The following SCARA5 variants were observed in gnomAD, a reference collection of about 807,000 sequenced individuals.
The protein encoded by SCARA5 is scavenger receptor class A, member 5 (putative).
Under a neutral mutation model 46.3 loss-of-function variants are expected in SCARA5, and 45 were observed. The observed-to-expected ratio is 0.97, with a 90% confidence interval of 0.76 to 1.24. The LOEUF (loss-of-function observed/expected upper bound fraction) is 1.24. Ranked by LOEUF, SCARA5 falls within the 50% of genes most tolerant of loss-of-function variation. The pLI is 0.00. For missense variants in SCARA5, 680 were observed against 689.0 expected (o/e 0.99, Z 0.15); for synonymous variants, 333 against 306.5 (o/e 1.09, Z -0.90).
At chr8:27,954,607 C>G (rs1808179773) in intron 3 of SCARA5, among the ~76,000 whole-genome samples, 1 of 152,230 alleles carries the variant, frequency 6.6e-6, no homozygotes, top group Admixed American at 6.5e-5. Flanking sequence ...AGACTGCACA[C>G]TTAGGTTCTT....
intron 3 of SCARA5, among the ~76,000 whole-genome samples, chr8:27,959,547 T>C (rs564920690): frequency 1.3e-5 from 2 of 152,226 alleles, no homozygotes; most frequent in African/African-American, 4.8e-5. Flanking sequence ...AAACCAATCA[T>C]TGCAATACAG....
chr8:27,894,324 T>G (rs1471158375), intron 7 of SCARA5, among the ~76,000 whole-genome samples: 4 of 152,216 alleles, frequency 2.6e-5, no homozygotes, highest in African/African-American at 9.7e-5. Context: ...GAGGCGACTC[T>G]CAGGCTGAAT....
At chr8:27,975,930 G>A (rs1257680146) in intron 2 of SCARA5, among the ~76,000 whole-genome samples, 1 of 152,154 alleles carries the variant, frequency 6.6e-6, no homozygotes, top group Non-Finnish European at 1.5e-5. Context: ...TTTTACGATG[G>A]TCTGGGACAG....
chr8:27,968,221 AT>A (rs1180180736), intron 2 of SCARA5, among the ~76,000 whole-genome samples: 1 of 152,190 alleles, frequency 6.6e-6, no homozygotes, highest in Admixed American at 6.5e-5. Context: ...TATAAGGAAC[AT>A]TTTCTCACTC....
At chr8:27,946,572 G>A (rs1290979747) in intron 3 of SCARA5, among the ~76,000 whole-genome samples, 1 of 152,154 alleles carries the variant, frequency 6.6e-6, no homozygotes, top group Non-Finnish European at 1.5e-5. Flanking sequence ...TTTAAGCCAT[G>A]CAGGCTGCGG....
In SCARA5 at chr8:27,966,478, C is replaced by T. The variant is rs1808370447; in HGVS notation, c.177G>A (p.Lys59=). The T allele has an allele frequency of 6.2e-7, 1 of 1,613,924 alleles. No homozygotes were observed. ...CTQLGSLSAL[K]HAVLGLYLLV... ...GCAGGTAGAGCCCCAGGACAGCATG[C>T]TTCAGGGCCGACAGGGACCCCAGCT... The change falls in exon 3 of 9, where the codon AAG becomes AAA. Residue 59 remains lysine (K), a synonymous_variant. Transcript: ENST00000354914.
chr8:27,951,575 G>T (rs1808128496), intron 3 of SCARA5, among the ~76,000 whole-genome samples: 1 of 152,222 alleles, frequency 6.6e-6, no homozygotes, highest in Admixed American at 6.5e-5. Flanking sequence ...GAGACCCGAG[G>T]CTGGACCTCC....
intron 3 of SCARA5, among the ~76,000 whole-genome samples, chr8:27,924,250 T>C (rs1397381215): frequency 6.6e-6 from 1 of 152,064 alleles, no homozygotes; most frequent in East Asian, 1.9e-4. Context: ...ACCTTGAAAA[T>C]CTTGGAGGTA....
intron 3 of SCARA5, among the ~76,000 whole-genome samples, chr8:27,946,194 T>A (rs1434012486): frequency 6.6e-6 from 1 of 152,250 alleles, no homozygotes; most frequent in Admixed American, 6.5e-5. Flanking sequence ...AGATGAACTT[T>A]AATGAAGCTC....
chr8:27,900,793 T>TG (rs898250637), intron 7 of SCARA5, among the ~76,000 whole-genome samples: 5 of 151,142 alleles, frequency 3.3e-5, no homozygotes, highest in Non-Finnish European at 4.4e-5. Context: ...TAGCGGGTTT[T>TG]TTTTTTTTTT....
intron 4 of SCARA5, among the ~76,000 whole-genome samples, chr8:27,916,261 C>T (rs1428106331): frequency 6.6e-6 from 1 of 152,092 alleles, no homozygotes; most frequent in East Asian, 1.9e-4. Context: ...GACTTCTCAG[C>T]CAGGAAAGAG....
chr8:27,893,126 A>C (rs1807013107), intron 7 of SCARA5, among the ~76,000 whole-genome samples: 1 of 152,094 alleles, frequency 6.6e-6, no homozygotes, highest in Admixed American at 6.5e-5. Flanking sequence ...GCCTTTTTGC[A>C]CTCGTAGGAA....
At chr8:27,920,884 G>A (rs545348354) in intron 4 of SCARA5, among the ~76,000 whole-genome samples, 1 of 152,096 alleles carries the variant, frequency 6.6e-6, no homozygotes, top group Non-Finnish European at 1.5e-5. Context: ...GCTGAGGCAG[G>A]AGAATGGCGT....
chr8:27,988,488 C>A (rs1463949343), intron 1 of SCARA5, among the ~76,000 whole-genome samples: 1 of 152,166 alleles, frequency 6.6e-6, no homozygotes. Flanking sequence ...GCGTAAGGTG[C>A]GTGTGGATGT....
chr8:27,890,621 T>A (rs1332090248), intron 7 of SCARA5, among the ~76,000 whole-genome samples: 1 of 148,138 alleles, frequency 6.8e-6, no homozygotes, highest in Non-Finnish European at 1.5e-5. Flanking sequence ...AGTCTCAACC[T>A]CCAGTGCCTG....
chr8:27,899,966 C>T (rs1807124366), intron 7 of SCARA5, among the ~76,000 whole-genome samples: 1 of 152,044 alleles, frequency 6.6e-6, no homozygotes, highest in Non-Finnish European at 1.5e-5. Flanking sequence ...GGTAAAAACC[C>T]ATTTCTACTA....
rs555967442 is a variant in SCARA5 at position 27,937,620 on chromosome 8, C to T, written c.242-15375G>A. Among the ~76,000 whole-genome samples the T allele has an allele frequency of 8.5e-5, 13 of 152,328 alleles. 1 individual carries two copies. In the South Asian group the frequency reaches 2.7e-3, roughly 32 times the overall value. On this transcript the variant is annotated intron_variant, in intron 3 of 8. Transcript: ENST00000354914. Reference sequence around the variant, plus strand: ...TGATTTCCATAGAAATCCCAGGCCGCCATCACAAAATACCACAGACTGGGT... The same window carrying T: ...TGATTTCCATAGAAATCCCAGGCCGTCATCACAAAATACCACAGACTGGGT...
At chr8:27,948,291 G>T (rs908650578) in intron 3 of SCARA5, among the ~76,000 whole-genome samples, 20 of 152,134 alleles carry the variant, frequency 1.3e-4, no homozygotes, top group Non-Finnish European at 2.8e-4. Flanking sequence ...GGCTGCTCCA[G>T]GCAAGCAATT....
chr8:27,921,627 A>G lies in SCARA5; in HGVS notation c.860T>C (p.Leu287Pro). The G allele has an allele frequency of 6.3e-7, 1 of 1,598,388 alleles. No individual in the cohort carries two copies. Among genetic ancestry groups the G allele is most frequent in the Non-Finnish European group, 8.5e-7 (1 of 1,171,212 alleles). The change falls in exon 4 of 9, where the codon CTG becomes CCG. Residue 287 changes from leucine (L) to proline (P), a missense_variant. Around this residue, in one of 3 missense-constraint regions of SCARA5, gnomAD observed 438 missense variants for 384.5 expected, o/e 1.14. Coordinates refer to ENST00000354914, the MANE Select transcript of SCARA5 (RefSeq NM_173833.6). ...LAMLNAVTED[L>P]RLKDWEHSIA... ...GGAGTGCTCCCAGTCCTTGAGGCGC[A>G]GGTCCTCGGTGACCGCGTTGAGCAT...
Sources: gnomAD v4.1 joint callset for allele counts (sites outside exome capture counted in the v4.1 genomes callset) on GRCh38, gnomAD v4.1.1 for gene constraint, gnomAD v4.1.1 regional missense constraint, MANE v1.5 for transcripts, NCBI Gene and HGNC (gene_info 2026-07-23, HGNC 2026-07-21) for gene names.